SLC37A1: variants seen among roughly 807,000 people sequenced by gnomAD.
SLC37A1 encodes glucose-6-phosphate exchanger SLC37A1.
SLC37A1 carries 49 observed loss-of-function variants against 75.3 expected under a neutral mutation model. The ratio of observed to expected loss-of-function variants is 0.65; its 90% CI spans 0.52 to 0.83. The LOEUF (loss-of-function observed/expected upper bound fraction) is 0.83, where lower values mean the gene tolerates loss of function less well. Ranked by LOEUF, SLC37A1 falls within the 40% of genes least tolerant of loss-of-function variation. SLC37A1 has a pLI of 0.00. For missense variants in SLC37A1, 566 were observed against 695.0 expected (o/e 0.81, Z 2.09); for synonymous variants, 268 against 292.1 (o/e 0.92, Z 0.84).
chr21:42,530,641 CACACACA>C (rs2054932452), intron 3 of SLC37A1, among the ~76,000 whole-genome samples: 1 of 31,890 alleles, frequency 3.1e-5, no homozygotes, highest in Non-Finnish European at 6.7e-5. Flanking sequence ...CACACACACA[CACACACA>C]CACACACCCC....
chr21:42,522,555 C>T (rs751267799), intron 2 of SLC37A1, among the ~76,000 whole-genome samples: 11 of 152,238 alleles, frequency 7.2e-5, no homozygotes, highest in Non-Finnish European at 1.5e-4. Context: ...CCAGCCACTG[C>T]GTCCCCCATC....
intron 19 of SLC37A1, 64 bp downstream of exon 19, chr21:42,579,864 T>A: frequency 6.6e-7 from 1 of 1,512,598 alleles, no homozygotes; most frequent in Non-Finnish European, 9.2e-7. Flanking sequence ...TTCTGTCCTA[T>A]CTGCCTTCTG....
chr21:42,538,851 T>TA (rs2055205460), intron 5 of SLC37A1, among the ~76,000 whole-genome samples: 1 of 152,220 alleles, frequency 6.6e-6, no homozygotes, highest in Non-Finnish European at 1.5e-5. Context: ...CTCTAGAAGA[T>TA]AAGACACCAA....
At chr21:42,544,360 A>C (rs2055356052) in intron 8 of SLC37A1, among the ~76,000 whole-genome samples, 2 of 152,214 alleles carry the variant, frequency 1.3e-5, no homozygotes, top group Admixed American at 1.3e-4. Flanking sequence ...CACACTGGGC[A>C]TTGCTGATCA....
intron 4 of SLC37A1, 81 bp from the exon 5 acceptor site, chr21:42,535,391 T>C: frequency 8.1e-7 from 1 of 1,235,660 alleles, no homozygotes; most frequent in Non-Finnish European, 1.2e-6. Flanking sequence ...CGGGAACAGA[T>C]GCTTTGTGTT....
At position 42,502,928 on chromosome 21, in the gene SLC37A1, T is replaced by C. The variant is rs187640711; in HGVS notation, c.-179+511T>C. Reference sequence around the variant, plus strand: ...ATTGGGAACATACAATAAAGTATAATGAAGAAAATAAAGAAAACCAATAAT... The same window carrying C: ...ATTGGGAACATACAATAAAGTATAACGAAGAAAATAAAGAAAACCAATAAT... On this transcript the variant is annotated intron_variant, in intron 2 of 20. Transcript: ENST00000398341. 151 of 152,290 alleles carry C rather than the reference T, an allele frequency of 9.9e-4. 1 individual carries two copies. The highest frequency in any genetic ancestry group is 3.6e-3 in the African/African-American group (148 of 41,566). 9.4% of individuals were successfully genotyped at this position (152,290 alleles called of 1,614,324 possible).
rs981696468 is a variant in SLC37A1 at position 42,547,221 on chromosome 21, T to G, written c.768+81T>G. The G allele has an allele frequency of 1.4e-5, 21 of 1,504,286 alleles. No homozygotes were observed. Among genetic ancestry groups the G allele is most frequent in the Non-Finnish European group, 1.9e-5 (21 of 1,080,824 alleles). The allele number at this position is 1,504,286 out of a possible 1,614,324, so 93.2% of individuals were successfully genotyped here. ...CCCCAGCCTGCTCCTGCCTGTGCGG[T>G]GTCAGACAGAAACACACAGGGTAGA... On this transcript the variant is annotated intron_variant, in intron 9 of 19. Transcript: ENST00000352133. This position sits in a 1 kb window ranked among gnomAD's most constrained non-coding sequence, Gnocchi z 6.1.
intron 9 of SLC37A1, 58 bp from the exon 10 acceptor site, chr21:42,554,004 G>C: frequency 7.0e-7 from 1 of 1,438,432 alleles, no homozygotes; most frequent in Non-Finnish European, 9.5e-7. Flanking sequence ...AGTAAAGCCA[G>C]GTTTAATTTC....
At position 42,545,791 on chromosome 21, in the gene SLC37A1, T is replaced by A. The variant is rs1381907369; in HGVS notation, c.731-1312T>A. ...TACATCACAGGTGGACCATTGGGACTGCCCAACATGCCGACCATGTGTCCT... is the reference window on the plus strand; with the variant it reads ...TACATCACAGGTGGACCATTGGGACAGCCCAACATGCCGACCATGTGTCCT... On this transcript the variant is annotated intron_variant, in intron 8 of 19. Transcript: ENST00000352133. The surrounding 1 kb of genome is among the most constrained non-coding windows in gnomAD (Gnocchi z 4.0). Among the ~76,000 whole-genome samples the A allele has an allele frequency of 6.6e-6, 1 of 152,242 alleles. No individual in the cohort carries two copies. The highest frequency in any genetic ancestry group is 1.5e-5 in the Non-Finnish European group (1 of 68,032).
chr21:42,549,844 T>C (rs992461654), intron 9 of SLC37A1, among the ~76,000 whole-genome samples: 13 of 152,220 alleles, frequency 8.5e-5, no homozygotes, highest in African/African-American at 3.1e-4. Context: ...TCTAATTTTT[T>C]CCAATATTTT....
chr21:42,544,401 A>G (rs946677408), intron 8 of SLC37A1, among the ~76,000 whole-genome samples: 3 of 152,172 alleles, frequency 2.0e-5, no homozygotes, highest in African/African-American at 7.2e-5. Context: ...GTTCATCCAT[A>G]TTCCATTTAG....
In SLC37A1 at chr21:42,562,131, T is replaced by G; in HGVS notation, c.1035T>G (p.Thr345=). 1.2e-6 allele frequency: 2 copies of G among 1,614,198 alleles called. No homozygotes were observed. The highest frequency in any genetic ancestry group is 1.7e-6 in the Non-Finnish European group (2 of 1,180,034). ...CLLFAKLVSY[T]FLFWLPLYIT... ...TGTTTGCCAAGCTGGTCAGCTATACTTTCCTCTTCTGGCTGCCCCTGTACA... is the reference window on the plus strand; with the variant it reads ...TGTTTGCCAAGCTGGTCAGCTATACGTTCCTCTTCTGGCTGCCCCTGTACA... Residue 345 remains threonine (T), a synonymous_variant, in exon 12 of 20, where the codon ACT becomes ACG. Transcript: ENST00000352133.
chr21:42,571,309 C>T (rs1306013074), intron 17 of SLC37A1, among the ~76,000 whole-genome samples: 1 of 152,202 alleles, frequency 6.6e-6, no homozygotes, highest in Non-Finnish European at 1.5e-5. Context: ...CTGCCTTCTC[C>T]CAAGTGCCAC....
chr21:42,537,782 G>A (rs2055177486), intron 5 of SLC37A1, among the ~76,000 whole-genome samples: 1 of 152,078 alleles, frequency 6.6e-6, no homozygotes, highest in African/African-American at 2.4e-5. Context: ...ACAAAATTTG[G>A]TCTAATGTGA....
intron 12 of SLC37A1, among the ~76,000 whole-genome samples, chr21:42,563,169 G>C (rs987369857): frequency 6.6e-6 from 1 of 152,216 alleles, no homozygotes; most frequent in Admixed American, 6.5e-5. Flanking sequence ...TGGCCAGTGA[G>C]CTGCACACAG....
At chr21:42,569,953 C>T (rs1222087820) in intron 17 of SLC37A1, among the ~76,000 whole-genome samples, 6 of 150,590 alleles carry the variant, frequency 4.0e-5, no homozygotes, top group Middle Eastern at 3.4e-3. Flanking sequence ...GCTGCTGCTG[C>T]GTTTCCTTGT....
intron 2 of SLC37A1, among the ~76,000 whole-genome samples, chr21:42,522,044 C>T (rs999566187): frequency 7.2e-5 from 11 of 152,346 alleles, no homozygotes; most frequent in Non-Finnish European, 1.5e-4. Flanking sequence ...CTGGTGGCTG[C>T]ATCACACCAG....
Position 42,542,398 on chromosome 21 carries a change from C to G in SLC37A1, c.487-6C>G. 6.2e-7 allele frequency: 1 copy of G among 1,613,688 alleles called. No individual in the cohort carries two copies. The highest frequency in any genetic ancestry group is 8.5e-7 in the Non-Finnish European group (1 of 1,179,780). ...AGGTCAGTCTCTCCTTTGGCCTCTC[C>G]TGCAGGTCATCAACGGGCTGGTGCA... On this transcript the variant is annotated splice_region_variant and splice_polypyrimidine_tract_variant and intron_variant, in intron 6 of 19. Transcript: ENST00000352133.
rs1568979380 is a variant in SLC37A1 at position 42,513,973 on chromosome 21, C to CA, written c.-923_-922insA. 3.4e-4 allele frequency: 49 copies of CA among 145,984 alleles called. No individual in the cohort carries two copies. The highest frequency in any genetic ancestry group is 6.9e-4 in the African/African-American group (28 of 40,764). 9.0% of individuals were successfully genotyped at this position (145,984 alleles called of 1,614,324 possible). ...ACCGGGAGGCGGGGACCCCCCGCCCCCCCGCCCGCACCTGCGGGGCAGCCG... is the reference window on the plus strand; with the variant it reads ...ACCGGGAGGCGGGGACCCCCCGCCCCACCCGCCCGCACCTGCGGGGCAGCCG... On this transcript the variant is annotated 5_prime_UTR_variant, in exon 1 of 20. Transcript: ENST00000352133.
Sources: gnomAD v4.1 joint callset for allele counts (sites outside exome capture counted in the v4.1 genomes callset) on GRCh38, gnomAD v4.1.1 for gene constraint, Gnocchi (gnomAD v3.1) non-coding constraint, MANE v1.5 for transcripts, NCBI Gene and HGNC (gene_info 2026-07-23, HGNC 2026-07-21) for gene names.